The following OSBPL10 variants were observed in gnomAD, a reference collection of about 807,000 sequenced individuals.
OSBPL10 encodes oxysterol-binding protein-related protein 10.
A neutral mutation model predicts 81.7 loss-of-function variants in OSBPL10; 49 were observed. That is an observed-to-expected ratio of 0.60 (90% CI 0.48 to 0.76). The LOEUF is 0.76. Ranked by LOEUF, OSBPL10 falls within the 30% of genes least tolerant of loss-of-function variation. The pLI is 0.00. For synonymous variants in OSBPL10, 419 were observed against 383.6 expected, an observed-to-expected ratio of 1.09 and a Z score of -1.08; for missense variants, 923 against 987.8, an observed-to-expected ratio of 0.93 and a Z score of 0.88.
At chr3:31,958,279 T>C (rs1412008880) in intron 1 of OSBPL10, among the ~76,000 whole-genome samples, 5 of 152,162 alleles carry the variant, frequency 3.3e-5, no homozygotes. Flanking sequence ...GAGTGAAGTA[T>C]TACTCTTGCA....
chr3:31,988,977 G>A (rs755048949), intron 2 of OSBPL10: 63 of 1,493,806 alleles, frequency 4.2e-5, no homozygotes, highest in Non-Finnish European at 5.6e-5. Context: ...AAGCCACGAA[G>A]TTTGTGATAA....
At chr3:31,815,732 T>C (rs935649811) in intron 4 of OSBPL10, among the ~76,000 whole-genome samples, 2 of 152,156 alleles carry the variant, frequency 1.3e-5, no homozygotes, top group Non-Finnish European at 2.9e-5. Flanking sequence ...CCTAACACCC[T>C]CTGGAGACAA....
intron 10 of OSBPL10, among the ~76,000 whole-genome samples, chr3:31,667,865 T>C (rs1261514025): frequency 6.6e-6 from 1 of 152,238 alleles, no homozygotes; most frequent in African/African-American, 2.4e-5. Context: ...CATTAAAAAA[T>C]AAAACTGGCA....
chr3:31,966,831 T>C (rs1698416838), intron 1 of OSBPL10, among the ~76,000 whole-genome samples: 1 of 152,110 alleles, frequency 6.6e-6, no homozygotes, highest in African/African-American at 2.4e-5. Context: ...GGATGGGAAA[T>C]AAGCACATGA....
At chr3:31,662,434 G>C in intron 11 of OSBPL10, 1 of 1,094,230 alleles carries the variant, frequency 9.1e-7, no homozygotes, top group South Asian at 3.2e-5. Context: ...GAGAAAAGGA[G>C]AGTAGCTAGA....
chr3:31,863,498 T>A (rs991595968), intron 3 of OSBPL10, among the ~76,000 whole-genome samples: 12 of 152,354 alleles, frequency 7.9e-5, no homozygotes, highest in African/African-American at 2.9e-4. Context: ...ACCTTGGGCT[T>A]ATCACAAATC....
chr3:31,847,571 C>A (rs1364040265), intron 3 of OSBPL10, among the ~76,000 whole-genome samples: 1 of 152,092 alleles, frequency 6.6e-6, no homozygotes, highest in East Asian at 1.9e-4. Flanking sequence ...CCGGCATTAC[C>A]CCAATCCATA....
At chr3:31,924,554 T>C (rs1336308614) in intron 1 of OSBPL10, among the ~76,000 whole-genome samples, 2 of 152,194 alleles carry the variant, frequency 1.3e-5, no homozygotes, top group African/African-American at 2.4e-5. Context: ...TTGGAACAAA[T>C]AGATGCACTA....
chr3:31,789,139 C>A (rs563474792), intron 4 of OSBPL10, among the ~76,000 whole-genome samples: 1 of 152,260 alleles, frequency 6.6e-6, no homozygotes, highest in Non-Finnish European at 1.5e-5. Context: ...CCACCACGCC[C>A]AGCTAATTAT....
intron 3 of OSBPL10, among the ~76,000 whole-genome samples, chr3:31,860,604 T>C (rs1701033873): frequency 6.6e-6 from 1 of 152,152 alleles, no homozygotes. Context: ...ATTAAAAAAG[T>C]TCATGTATGT....
rs1338762805 is a variant in OSBPL10, at chr3:31,710,789, C to T, written c.1096-8281G>A. Reference sequence around the variant, plus strand: ...AGACCTAGGAAAGGTAGGGAAGAAACTCCTTCAAGACCCCATTCTAGCCTT... The same window carrying T: ...AGACCTAGGAAAGGTAGGGAAGAAATTCCTTCAAGACCCCATTCTAGCCTT... On this transcript the variant is annotated intron_variant, in intron 6 of 11. Transcript: ENST00000396556. 5 of 152,366 alleles carry T rather than the reference C, an allele frequency of 3.3e-5. No homozygotes were observed. In the East Asian group the frequency reaches 9.7e-4, roughly 29 times the overall value. The allele number at this position is 152,366 out of a possible 1,614,324, so 9.4% of individuals were successfully genotyped here.
intron 4 of OSBPL10, among the ~76,000 whole-genome samples, chr3:31,787,785 T>C (rs939361205): frequency 1.3e-5 from 2 of 152,102 alleles, no homozygotes; most frequent in African/African-American, 2.4e-5. Flanking sequence ...GAAATCTACA[T>C]GCCTTCTAGG....
intron 1 of OSBPL10, among the ~76,000 whole-genome samples, chr3:32,066,981 A>G (rs1699785317): frequency 6.6e-6 from 1 of 152,222 alleles, no homozygotes; most frequent in South Asian, 2.1e-4. Context: ...TTTAGACAGC[A>G]TGATAACGAG....
chr3:31,966,737 A>G (rs982638762), intron 1 of OSBPL10, among the ~76,000 whole-genome samples: 1 of 151,164 alleles, frequency 6.6e-6, no homozygotes, highest in African/African-American at 2.5e-5. Flanking sequence ...TCACAACCAT[A>G]AGAAAACAAA....
chr3:32,025,522 T>G (rs557696710), intron 2 of OSBPL10, among the ~76,000 whole-genome samples: 29 of 152,312 alleles, frequency 1.9e-4, no homozygotes, highest in African/African-American at 7.0e-4. Context: ...CCTCATTGAA[T>G]GAGCTGGGAA....
At chr3:31,690,651 G>A (rs1363226415) in intron 7 of OSBPL10, among the ~76,000 whole-genome samples, 1 of 152,228 alleles carries the variant, frequency 6.6e-6, no homozygotes, top group East Asian at 1.9e-4. Flanking sequence ...TACTAGGTAT[G>A]TATTCTGTAC....
chr3:31,821,397 T>C (rs1699979856), intron 4 of OSBPL10, among the ~76,000 whole-genome samples: 1 of 152,186 alleles, frequency 6.6e-6, no homozygotes, highest in Non-Finnish European at 1.5e-5. Flanking sequence ...GTTCTCATTC[T>C]CACTATTCCA....
At chr3:31,733,041 G>C in intron 6 of OSBPL10, 2 of 600,614 alleles carry the variant, frequency 3.3e-6, no homozygotes, top group Non-Finnish European at 5.6e-6. Context: ...TTCCTCATTC[G>C]TAGGATCACA....
intron 2 of OSBPL10, chr3:32,030,428 A>ACC: frequency 1.5e-6 from 1 of 671,698 alleles, no homozygotes; most frequent in Non-Finnish European, 2.8e-6. Flanking sequence ...GTGGTAAAGA[A>ACC]ACAAGTTAAG....
Sources: allele counts gnomAD v4.1 joint callset (sites outside exome capture counted in the v4.1 genomes callset), GRCh38; gene constraint gnomAD v4.1.1; transcripts MANE v1.5; gene names NCBI Gene and HGNC (gene_info 2026-07-23, HGNC 2026-07-21).